Variants in LRRC17 observed in about 807,000 individuals in gnomAD.
LRRC17 encodes the protein leucine rich repeat containing 17.
Under a neutral mutation model 41.5 loss-of-function variants are expected in LRRC17, and 33 were observed. The ratio of observed to expected loss-of-function variants is 0.80; its 90% CI spans 0.60 to 1.06. LRRC17 has a LOEUF of 1.06. Among genes scored for constraint, LRRC17 ranks in the 50% least tolerant of loss-of-function variants. The probability of loss-of-function intolerance (pLI) is 0.00; values close to 1 mark genes in which losing one functional copy is unlikely to be tolerated. For synonymous variants in LRRC17, 192 were observed against 197.0 expected (o/e 0.97, Z 0.21); for missense variants, 491 against 519.3 (o/e 0.95, Z 0.53).
At chr7:102,942,264 A>C (rs1195586839) in intron 3 of LRRC17, 1 of 1,574,114 alleles carries the variant, frequency 6.4e-7, no homozygotes, top group Non-Finnish European at 8.6e-7. Flanking sequence ...AAGAAGTTTT[A>C]AAATGAAAGG....
chr7:102,944,160 CACTGTATTAACTCAATT>C, intron 3 of LRRC17, 33 bp from the exon 4 acceptor site: 1 of 1,452,164 alleles, frequency 6.9e-7, no homozygotes, highest in Non-Finnish European at 9.3e-7. Context: ...ATATGCCATA[CACTGTATTAACTCAATT>C]ACTCAGGCTC....
chr7:102,933,966 T>G lies in LRRC17; in HGVS notation c.53T>G (p.Leu18Arg). The stretch of plus-strand genomic sequence containing the variant: ...CTCTGCTTTTGCAAAGCGGCTGAGC[T>G]GCGCAAAGCAAGCCCAGGCAGTGTG... ...ILLCFCKAAE[L>R]RKASPGSVRS... Residue 18 changes from leucine to arginine, a missense_variant, in exon 2 of 4, where the codon CTG becomes CGG. By Grantham distance (102) the Leu-to-Arg change is moderately radical. Transcript: ENST00000339431. 3.1e-6 allele frequency: 5 copies of G among 1,613,952 alleles called. No homozygotes were observed. Among genetic ancestry groups the G allele is most frequent in the Non-Finnish European group, 4.2e-6 (5 of 1,179,886 alleles).
chr7:102,934,549 TA>T lies in LRRC17; in HGVS notation c.638del (p.Asn213MetfsTer47), dbSNP rs1279944568. On this transcript the variant is annotated frameshift_variant, in exon 2 of 4. Coordinates refer to ENST00000339431, the MANE Select transcript of LRRC17 (RefSeq NM_001031692.3). LOFTEE classifies it high-confidence loss of function. ...LRQIKSEQLC[N>X]EEEKEQLDPK... ...GGCAGATAAAATCTGAACAGTTGTG[TA>T]ATGAAGAAGAAAAGGAACAATTGGA... 6.5e-7 allele frequency: 1 copy of T among 1,527,248 alleles called. No individual in the cohort carries two copies. Among genetic ancestry groups the T allele is most frequent in the South Asian group, 1.1e-5 (1 of 88,940 alleles). The allele number at this position is 1,527,248 out of a possible 1,614,324, so 94.6% of individuals were successfully genotyped here.
At chr7:102,926,717 G>A (rs112879389) in intron 1 of LRRC17, among the ~76,000 whole-genome samples, 2,295 of 152,106 alleles carry the variant, frequency 0.015, 47 homozygotes, top group African/African-American at 0.053. Context: ...TTCATATGCA[G>A]GAAAGCAATT....
chr7:102,931,025 T>C (rs1485611671), intron 1 of LRRC17, among the ~76,000 whole-genome samples: 1 of 152,158 alleles, frequency 6.6e-6, no homozygotes, highest in Admixed American at 6.5e-5. Context: ...TAAGGATACT[T>C]ATCATAGGAA....
In LRRC17 at chr7:102,939,579, G is replaced by T; in HGVS notation, c.922G>T (p.Asp308Tyr). The T allele has an allele frequency of 6.2e-7, 1 of 1,612,650 alleles. No individual in the cohort carries two copies. The highest frequency in any genetic ancestry group is 8.5e-7 in the Non-Finnish European group (1 of 1,179,516). ...CAGCAGCAATGGCATTGAATTCATC[G>T]ATCCTGGTAAGTTCCCCTGTATAGC... Reference protein sequence around the residue: ...NLSSNGIEFIDPAAFLGLTHL... With the variant: ...NLSSNGIEFIYPAAFLGLTHL... Residue 308 changes from aspartate (D) to tyrosine (Y), a missense_variant, in exon 3 of 4, where the codon GAT becomes TAT. Physicochemically the swap from Asp to Tyr is radical, Grantham distance 160. Coordinates refer to ENST00000339431, the MANE Select transcript of LRRC17 (RefSeq NM_001031692.3).
At chr7:102,940,317 C>T (rs1821171479) in intron 3 of LRRC17, among the ~76,000 whole-genome samples, 1 of 151,928 alleles carries the variant, frequency 6.6e-6, no homozygotes, top group African/African-American at 2.4e-5. Context: ...TCACGCCATT[C>T]TCCTGCCTCA....
At chr7:102,926,269 A>G (rs1325734686) in intron 1 of LRRC17, 1 of 1,611,944 alleles carries the variant, frequency 6.2e-7, no homozygotes. Context: ...TAACACAAAC[A>G]TTACCTCGGC....
At chr7:102,914,036 G>A (rs914739630) in intron 1 of LRRC17, among the ~76,000 whole-genome samples, 2 of 152,166 alleles carry the variant, frequency 1.3e-5, no homozygotes, top group Admixed American at 6.5e-5. Flanking sequence ...AGGACACTCC[G>A]TGGACAATTT....
At chr7:102,913,745 A>T (rs1815244062) in intron 1 of LRRC17, among the ~76,000 whole-genome samples, 2 of 152,236 alleles carry the variant, frequency 1.3e-5, no homozygotes, top group Admixed American at 6.5e-5. Flanking sequence ...AAATGAGTTT[A>T]AAAAATAGGT....
In LRRC17 at chr7:102,920,924, T is replaced by TGGGCGGATCACGAGGTC. The variant is rs1266133230; in HGVS notation, c.-141+7780_-141+7796dup. ...ATCCCAGCACTTTGGGAGGCCGAGGTGGGCGGATCACGAGGTCAGGAGTTC... is the reference window on the plus strand; with the variant it reads ...ATCCCAGCACTTTGGGAGGCCGAGGTGGGCGGATCACGAGGTCGGGCGGATCACGAGGTCAGGAGTTC... On this transcript the variant is annotated intron_variant, in intron 1 of 3. Coordinates refer to ENST00000339431, the MANE Select transcript of LRRC17 (RefSeq NM_001031692.3). 2.0e-5 allele frequency among the ~76,000 whole-genome samples: 3 copies of TGGGCGGATCACGAGGTC among 151,996 alleles called. No homozygotes were observed. The East Asian group carries it at 5.8e-4, about 30-fold the overall frequency.
At chr7:102,928,074 A>G (rs1167323532) in intron 1 of LRRC17, among the ~76,000 whole-genome samples, 1 of 152,224 alleles carries the variant, frequency 6.6e-6, no homozygotes, top group Non-Finnish European at 1.5e-5. Flanking sequence ...TCATAAAGAA[A>G]TCTGACTTTC....
intron 3 of LRRC17, among the ~76,000 whole-genome samples, chr7:102,942,010 T>A (rs535536435): frequency 6.6e-6 from 1 of 152,328 alleles, no homozygotes; most frequent in South Asian, 2.1e-4. Context: ...TCCTTTTCTG[T>A]CCTTAGGATC....
chr7:102,931,135 T>G (rs1819093906), intron 1 of LRRC17, among the ~76,000 whole-genome samples: 1 of 152,090 alleles, frequency 6.6e-6, no homozygotes, highest in Admixed American at 6.5e-5. Context: ...AAAGCACCAC[T>G]TGGGGACAAA....
At chr7:102,938,528 G>A (rs1296702015) in intron 2 of LRRC17, among the ~76,000 whole-genome samples, 2 of 152,172 alleles carry the variant, frequency 1.3e-5, no homozygotes, top group Non-Finnish European at 2.9e-5. Context: ...GAGCAAGCTT[G>A]TAAGGGGTAA....
Position 102,944,332 on chromosome 7 carries a change from C to T in LRRC17, c.1051C>T (p.Pro351Ser). 6.2e-7 allele frequency: 1 copy of T among 1,613,980 alleles called. No homozygotes were observed. The stretch of plus-strand genomic sequence containing the variant: ...GAAACTCTTGTGGCTCAGAGATAAC[C>T]CTTGGAGATGTGACTACAACATTCA... ...FLKLLWLRDN[P>S]WRCDYNIHYL... Residue 351 changes from proline (P) to serine (S), a missense_variant, in exon 4 of 4, where the codon CCT becomes TCT. Pro to Ser is a moderately conservative substitution (Grantham distance 74). Coordinates refer to ENST00000339431, the MANE Select transcript of LRRC17 (RefSeq NM_001031692.3).
At chr7:102,932,026 G>A in intron 1 of LRRC17, 1 of 1,194,932 alleles carries the variant, frequency 8.4e-7, no homozygotes, top group South Asian at 1.5e-5. Flanking sequence ...GTATTCATTA[G>A]AAAACAAACA....
At chr7:102,931,788 A>G (rs1404918414) in intron 1 of LRRC17, 1 of 1,210,164 alleles carries the variant, frequency 8.3e-7, no homozygotes, top group Non-Finnish European at 1.2e-6. Context: ...TTGAATCCCA[A>G]ATAAGCACAC....
Position 102,934,021 on chromosome 7 carries a change from T to TGGAGGCCGGAGAGGC in LRRC17, c.109_123dup (p.Gly37_Gly41dup). 1 of 1,613,974 alleles carries TGGAGGCCGGAGAGGC rather than the reference T, an allele frequency of 6.2e-7. No homozygotes were observed. The highest frequency in any genetic ancestry group is 8.5e-7 in the Non-Finnish European group (1 of 1,179,916). ...GCCGAGTGAATCATGGCCGGGCGGG[T>TGGAGGCCGGAGAGGC]GGAGGCCGGAGAGGCTCCAACCCGG... On this transcript the variant is annotated inframe_insertion, in exon 2 of 4. Coordinates refer to ENST00000339431, the MANE Select transcript of LRRC17 (RefSeq NM_001031692.3).
Sources: gnomAD v4.1 joint callset for allele counts (sites outside exome capture counted in the v4.1 genomes callset) on GRCh38, gnomAD v4.1.1 for gene constraint, MANE v1.5 for transcripts, NCBI Gene and HGNC (gene_info 2026-07-23, HGNC 2026-07-21) for gene names.